ATOX1: variants seen among roughly 807,000 people sequenced by gnomAD.
The protein encoded by ATOX1 is copper transport protein ATOX1.
ATOX1 carries 4 observed loss-of-function variants against 7.3 expected under a neutral mutation model. That is an observed-to-expected ratio of 0.55 (90% confidence interval 0.27 to 1.25). The LOEUF (loss-of-function observed/expected upper bound fraction) is 1.25. Ranked by LOEUF, ATOX1 falls within the 50% of genes most tolerant of loss-of-function variation. The pLI, the probability that ATOX1 is intolerant of heterozygous loss-of-function variation, is 0.12. For synonymous variants in ATOX1, 25 were observed against 28.7 expected (o/e 0.87, Z 0.41); for missense variants, 68 against 81.6 (o/e 0.83, Z 0.64).
intron 1 of ATOX1, chr5:151,752,239 A>G (rs1761960863): frequency 7.1e-6 from 5 of 702,360 alleles, no homozygotes; most frequent in African/African-American, 1.7e-5. Context: ...GCTTGCAAAA[A>G]CTACAGGTTC....
chr5:151,755,910 GT>G (rs988863436), intron 1 of ATOX1, among the ~76,000 whole-genome samples: 1 of 147,994 alleles, frequency 6.8e-6, no homozygotes, highest in Non-Finnish European at 1.5e-5. Flanking sequence ...TTTAAAGTAG[GT>G]TTTTAAAGTC....
Position 151,756,086 on chromosome 5 carries a change from C to G in ATOX1, c.6+2460G>C, listed in dbSNP as rs1034486416. 2.6e-5 allele frequency among the ~76,000 whole-genome samples: 4 copies of G among 151,872 alleles called. No individual in the cohort carries two copies. The East Asian group carries it at 7.8e-4, about 29-fold the overall frequency. ...ACTCCCGAGTAGCTGGGACTACAGG[C>G]GTCCGCCACCATGCCCGGCTAATTT... is the stretch of plus-strand genomic sequence containing the variant. On this transcript the variant is annotated intron_variant, in intron 1 of 3. Transcript: ENST00000313115.
chr5:151,750,976 G>C (rs1427207064), intron 2 of ATOX1, among the ~76,000 whole-genome samples: 1 of 151,830 alleles, frequency 6.6e-6, no homozygotes, highest in Non-Finnish European at 1.5e-5. Flanking sequence ...CTTAATAGAG[G>C]CTGCGTAGGG....
chr5:151,758,041 T>G (rs1025894917), intron 1 of ATOX1, among the ~76,000 whole-genome samples: 1 of 152,124 alleles, frequency 6.6e-6, no homozygotes, highest in Non-Finnish European at 1.5e-5. Context: ...CCAGAGTTGA[T>G]CTGAAAAGTA....
At chr5:151,752,462 T>C (rs1581558197) in intron 1 of ATOX1, 3 of 674,824 alleles carry the variant, frequency 4.4e-6, no homozygotes, top group African/African-American at 3.6e-5. Context: ...CTCTAGGATA[T>C]CTAACAGATC....
chr5:151,743,457 A>T (rs892378306), intron 3 of ATOX1: 3 of 152,218 alleles, frequency 2.0e-5, no homozygotes, highest in African/African-American at 7.2e-5. Flanking sequence ...CTTCAAAGAC[A>T]TGCTGCCTGA....
At chr5:151,755,145 G>T (rs1420635767) in intron 1 of ATOX1, among the ~76,000 whole-genome samples, 2 of 152,068 alleles carry the variant, frequency 1.3e-5, no homozygotes, top group African/African-American at 4.8e-5. Flanking sequence ...AAAAAAGTTT[G>T]CTGAGTCTTG....
At chr5:151,758,099 C>T (rs544542926) in intron 1 of ATOX1, among the ~76,000 whole-genome samples, 36 of 152,284 alleles carry the variant, frequency 2.4e-4, no homozygotes, top group African/African-American at 8.4e-4. Context: ...CTCTGAAAAC[C>T]TGCCCGGTCC....
intron 2 of ATOX1, among the ~76,000 whole-genome samples, chr5:151,750,640 C>CTT (rs1561521875): frequency 1.9e-5 from 2 of 103,044 alleles, no homozygotes; most frequent in African/African-American, 6.9e-5. Flanking sequence ...TCCTTTTTTT[C>CTT]TTTCTTTTTT....
At chr5:151,746,661 T>A (rs963165084) in intron 2 of ATOX1, 15 of 518,030 alleles carry the variant, frequency 2.9e-5, no homozygotes, top group Non-Finnish European at 4.7e-5. Flanking sequence ...TCTGTGTATT[T>A]TTTTTATAAC....
At chr5:151,752,507 T>C in intron 1 of ATOX1, 1 of 622,342 alleles carries the variant, frequency 1.6e-6, no homozygotes, top group Non-Finnish European at 2.9e-6. Context: ...AAGACAGAGG[T>C]TTTGTTCAGT....
chr5:151,747,911 A>C (rs1336121858), intron 2 of ATOX1, among the ~76,000 whole-genome samples: 1 of 152,014 alleles, frequency 6.6e-6, no homozygotes, highest in Non-Finnish European at 1.5e-5. Flanking sequence ...TAAAAGCTAC[A>C]ATCTTCCACA....
chr5:151,757,631 T>C (rs1314757760), intron 1 of ATOX1, among the ~76,000 whole-genome samples: 1 of 152,018 alleles, frequency 6.6e-6, no homozygotes, highest in Non-Finnish European at 1.5e-5. Context: ...CTGAAGAAAA[T>C]GCTAAACACC....
intron 3 of ATOX1, chr5:151,745,714 G>A (rs1173282020): frequency 6.5e-6 from 1 of 152,794 alleles, no homozygotes; most frequent in African/African-American, 2.4e-5. Context: ...CAGGGCACAG[G>A]AGAACAAGGC....
chr5:151,757,024 G>T (rs1762026912), intron 1 of ATOX1, among the ~76,000 whole-genome samples: 1 of 152,126 alleles, frequency 6.6e-6, no homozygotes, highest in African/African-American at 2.4e-5. Flanking sequence ...GAGGTTTCTG[G>T]GATTCCAAAC....
Position 151,758,619 on chromosome 5 carries a change from G to C in ATOX1, c.-68C>G. 3 of 1,355,336 alleles carry C rather than the reference G, an allele frequency of 2.2e-6. No homozygotes were observed. Among genetic ancestry groups the C allele is most frequent in the Non-Finnish European group, 2.9e-6 (3 of 1,044,556 alleles). The allele number at this position is 1,355,336 out of a possible 1,614,324, so 84.0% of individuals were successfully genotyped here. A position where few individuals can be genotyped will look rare whatever the true frequency, so the allele number is the denominator to read the frequency against. ...CAGCAGCGCCTCTCTGGATTCGGAG[G>C]GCGGGTTCGGCTGCGCTTCCGAGAG... On this transcript the variant is annotated 5_prime_UTR_variant, in exon 1 of 4. Coordinates refer to ENST00000313115, the MANE Select transcript of ATOX1 (RefSeq NM_004045.4).
At chr5:151,758,409 TG>T in intron 1 of ATOX1, 136 bp downstream of exon 1, 1 of 1,296,320 alleles carries the variant, frequency 7.7e-7, no homozygotes. Flanking sequence ...GGGGGCTGGG[TG>T]GGGTAAGCTA....
Position 151,758,560 on chromosome 5 carries a change from C to T in ATOX1, c.-9G>A. 7.0e-7 allele frequency: 1 copy of T among 1,428,424 alleles called. No homozygotes were observed. Among genetic ancestry groups the T allele is most frequent in the South Asian group, 1.5e-5 (1 of 65,672 alleles). 88.5% of individuals were successfully genotyped at this position (1,428,424 alleles called of 1,614,324 possible). Reference sequence around the variant, plus strand: ...CAACCACTCACCGGCATGACTGAGGCAGCGGCGGTGTGGCGGCGGTGTGGC... The same window carrying T: ...CAACCACTCACCGGCATGACTGAGGTAGCGGCGGTGTGGCGGCGGTGTGGC... On this transcript the variant is annotated 5_prime_UTR_variant, in exon 1 of 4. Coordinates refer to ENST00000313115, the MANE Select transcript of ATOX1 (RefSeq NM_004045.4).
At position 151,746,264 on chromosome 5, in the gene ATOX1, T is replaced by C; in HGVS notation, c.*46+15A>G. ...AGCTGTAGGTTTGTTCAGCAAGTGCTGGGGCCTTACCCACCTGCCCCCTTT... is the reference window on the plus strand; with the variant it reads ...AGCTGTAGGTTTGTTCAGCAAGTGCCGGGGCCTTACCCACCTGCCCCCTTT... On this transcript the variant is annotated intron_variant, in intron 3 of 3. Coordinates refer to ENST00000313115, the MANE Select transcript of ATOX1 (RefSeq NM_004045.4). 6.2e-7 allele frequency: 1 copy of C among 1,601,384 alleles called. No homozygotes were observed. Among genetic ancestry groups the C allele is most frequent in the Non-Finnish European group, 8.5e-7 (1 of 1,175,010 alleles).
Sources: allele counts gnomAD v4.1 joint callset (sites outside exome capture counted in the v4.1 genomes callset), GRCh38; gene constraint gnomAD v4.1.1; transcripts MANE v1.5; gene names NCBI Gene and HGNC (gene_info 2026-07-23, HGNC 2026-07-21).